UTRN: variants seen among roughly 807,000 people sequenced by gnomAD.
The protein encoded by UTRN is dystrophin-related protein 1.
A neutral mutation model predicts 463.9 loss-of-function variants in UTRN; 283 were observed. The ratio of observed to expected loss-of-function variants is 0.61; its 90% CI spans 0.55 to 0.67. UTRN has a LOEUF of 0.67. UTRN is among the 30% of genes least tolerant of loss of function. The probability of loss-of-function intolerance (pLI) is 0.00; values close to 1 mark genes in which losing one functional copy is unlikely to be tolerated. For synonymous variants in UTRN, 1,442 were observed against 1,431.5 expected (o/e 1.01, Z -0.17); for missense variants, 3,922 against 4,084.3 (o/e 0.96, Z 1.08).
intron 53 of UTRN, chr6:144,708,293 C>G: frequency 1.5e-6 from 1 of 664,252 alleles, no homozygotes; most frequent in South Asian, 1.4e-5. Context: ...AGTACTGATT[C>G]TTTTACAAGA....
At chr6:144,431,435 A>G (rs886297900) in intron 9 of UTRN, among the ~76,000 whole-genome samples, 2 of 152,204 alleles carry the variant, frequency 1.3e-5, no homozygotes, top group African/African-American at 4.8e-5. Context: ...CTAAAATGTG[A>G]TCAAGTTTTA....
At chr6:144,435,169 T>G (rs1407287563) in intron 9 of UTRN, among the ~76,000 whole-genome samples, 1 of 152,232 alleles carries the variant, frequency 6.6e-6, no homozygotes, top group Non-Finnish European at 1.5e-5. Flanking sequence ...ATTTGAAATA[T>G]TGTACTTAAA....
intron 53 of UTRN, among the ~76,000 whole-genome samples, chr6:144,721,333 T>C (rs1197218561): frequency 6.6e-6 from 1 of 152,142 alleles, no homozygotes; most frequent in Non-Finnish European, 1.5e-5. Flanking sequence ...CTCAGCCTCC[T>C]GAGCAGCTGA....
chr6:144,631,557 G>A (rs1269138647), intron 51 of UTRN, among the ~76,000 whole-genome samples: 1 of 152,190 alleles, frequency 6.6e-6, no homozygotes, highest in Non-Finnish European at 1.5e-5. Flanking sequence ...GTAGCAGGGA[G>A]TGCTGAGAGC....
intron 19 of UTRN, among the ~76,000 whole-genome samples, chr6:144,456,941 G>A (rs922036855): frequency 6.6e-6 from 1 of 152,082 alleles, no homozygotes; most frequent in African/African-American, 2.4e-5. Context: ...ACTGAGAAGT[G>A]TAAAGTCAAG....
chr6:144,616,890 C>T (rs1019119628), intron 51 of UTRN, among the ~76,000 whole-genome samples: 4 of 152,176 alleles, frequency 2.6e-5, no homozygotes, highest in African/African-American at 9.6e-5. Context: ...TAGCGTTCTA[C>T]CACCTGGTGT....
At chr6:144,321,658 CAG>C (rs1418481916) in intron 2 of UTRN, among the ~76,000 whole-genome samples, 6 of 151,016 alleles carry the variant, frequency 4.0e-5, no homozygotes, top group East Asian at 3.9e-4. Flanking sequence ...TTAGTAGAGA[CAG>C]GGGGTTTCAC....
At chr6:144,448,879 AG>A in intron 17 of UTRN, 110 bp downstream of exon 17, 10 of 1,253,250 alleles carry the variant, frequency 8.0e-6, no homozygotes, top group Non-Finnish European at 9.8e-6. Context: ...AGACATAATA[AG>A]TATTATTATT....
intron 2 of UTRN, among the ~76,000 whole-genome samples, chr6:144,355,221 C>CT (rs34118845): frequency 6.6e-6 from 1 of 151,898 alleles, no homozygotes; most frequent in African/African-American, 2.4e-5. Flanking sequence ...TCATTTCTTT[C>CT]TTTTTTTTGA....
At chr6:144,578,575 T>G (rs1232579035) in intron 51 of UTRN, among the ~76,000 whole-genome samples, 1 of 152,166 alleles carries the variant, frequency 6.6e-6, no homozygotes, top group Non-Finnish European at 1.5e-5. Context: ...CTTTAAGTGA[T>G]CCACCTGCCT....
intron 1 of UTRN, among the ~76,000 whole-genome samples, chr6:144,291,079 C>T (rs915756288): frequency 2.0e-5 from 3 of 152,050 alleles, no homozygotes; most frequent in East Asian, 1.9e-4. Flanking sequence ...CGTCCCTTGA[C>T]GATCTTTTAA....
At chr6:144,835,433 T>TAATC (rs1346923848) in intron 69 of UTRN, among the ~76,000 whole-genome samples, 1 of 152,256 alleles carries the variant, frequency 6.6e-6, no homozygotes, top group Non-Finnish European at 1.5e-5. Context: ...AGTAGTCTTT[T>TAATC]AATCAACTCT....
chr6:144,635,530 CTTTTCTTTTTTTTTT>C (rs1777067465), intron 51 of UTRN, among the ~76,000 whole-genome samples: 123 of 59,090 alleles, frequency 2.1e-3, no homozygotes, highest in African/African-American at 7.0e-3. Context: ...TTTTTTTTTT[CTTTTCTTTTTTTTTT>C]TTTTTTTTTT....
At position 144,846,816 on chromosome 6, in the gene UTRN, A is replaced by G. The variant is rs1313506579; in HGVS notation, c.10282A>G (p.Ser3428Gly). 1.2e-6 allele frequency: 2 copies of G among 1,614,090 alleles called. No homozygotes were observed. ...GTTTTCTCTTTCAGCAAATGTTCCC[A>G]GCAGGCCACAGGTAAGAGTTAATGG... is the stretch of plus-strand genomic sequence containing the variant. ...TFPSCCPNVP[S>G]RPQAM Residue 3428 changes from serine to glycine, a missense_variant, in exon 74 of 75, where the codon AGC (serine) becomes GGC (glycine). By Grantham distance (56) the Ser-to-Gly change is moderately conservative. Transcript: ENST00000367545.
chr6:144,533,010 A>G (rs992471500), intron 42 of UTRN, 75 bp from the exon 43 acceptor site: 60 of 765,790 alleles, frequency 7.8e-5, no homozygotes, highest in Non-Finnish European at 1.1e-4. Context: ...TGATACCACA[A>G]TACTTGGGTG....
chr6:144,557,459 T>C, intron 50 of UTRN, 148 bp downstream of exon 50: 1 of 817,308 alleles, frequency 1.2e-6, no homozygotes, highest in Non-Finnish European at 1.8e-6. Flanking sequence ...TCTGAGTTAG[T>C]ATTATCATAC....
chr6:144,464,349 T>TTGTG (rs140920364), intron 23 of UTRN, among the ~76,000 whole-genome samples: 1 of 150,732 alleles, frequency 6.6e-6, no homozygotes, highest in Non-Finnish European at 1.5e-5. Flanking sequence ...GATGGAGGGG[T>TTGTG]TGTGTGTGTG....
intron 2 of UTRN, among the ~76,000 whole-genome samples, chr6:144,307,155 G>A (rs1805816439): frequency 6.6e-6 from 1 of 152,206 alleles, no homozygotes; most frequent in South Asian, 2.1e-4. Context: ...GCATCTGGAT[G>A]GTAGATGACG....
At chr6:144,325,088 TGGC>T (rs1363480203) in intron 2 of UTRN, among the ~76,000 whole-genome samples, 1 of 152,160 alleles carries the variant, frequency 6.6e-6, no homozygotes, top group Admixed American at 6.6e-5. Flanking sequence ...CCAGAGAGCA[TGGC>T]AAGGCTCTGA....
Sources: gnomAD v4.1 joint callset for allele counts (sites outside exome capture counted in the v4.1 genomes callset) on GRCh38, gnomAD v4.1.1 for gene constraint, MANE v1.5 for transcripts, NCBI Gene and HGNC (gene_info 2026-07-23, HGNC 2026-07-21) for gene names.